The following ARHGAP42 variants were observed in gnomAD, a reference collection of about 807,000 sequenced individuals.
ARHGAP42 encodes Rho GTPase activating protein 42.
ARHGAP42 carries 63 observed loss-of-function variants against 125.0 expected under a neutral mutation model. That is an observed-to-expected ratio of 0.50 (90% CI 0.41 to 0.62). ARHGAP42 has a LOEUF of 0.62. ARHGAP42 is among the 20% of genes least tolerant of loss of function. The pLI, the probability that ARHGAP42 is intolerant of heterozygous loss-of-function variation, is 0.00. For synonymous variants in ARHGAP42, 339 were observed against 351.0 expected, an observed-to-expected ratio of 0.97 and a Z score of 0.38; for missense variants, 766 against 1,024.2, an observed-to-expected ratio of 0.75 and a Z score of 3.44.
chr11:100,743,847 A>G lies in ARHGAP42; in HGVS notation c.155-26496A>G, dbSNP rs1394874418. Among the ~76,000 whole-genome samples, 3 of 152,302 alleles carry G rather than the reference A, an allele frequency of 2.0e-5. No individual in the cohort carries two copies. In the East Asian group the frequency reaches 5.8e-4, roughly 29 times the overall value. ...TTTCAGGAGAAGATGAAATTCTTTC[A>G]TCTACTTGTTCTAGTCTGTTGTTAA... On this transcript the variant is annotated intron_variant, in intron 1 of 23. Transcript: ENST00000298815.
At chr11:100,863,114 A>G (rs1865486357) in intron 4 of ARHGAP42, among the ~76,000 whole-genome samples, 1 of 151,836 alleles carries the variant, frequency 6.6e-6, no homozygotes, top group South Asian at 2.1e-4. Flanking sequence ...CTTCTGAAAT[A>G]TATGTATAGA....
intron 1 of ARHGAP42, among the ~76,000 whole-genome samples, chr11:100,712,077 A>G (rs1042003560): frequency 1.3e-5 from 2 of 152,166 alleles, no homozygotes; most frequent in Non-Finnish European, 1.5e-5. Flanking sequence ...ACAGCAGGTA[A>G]TATTGATTGC....
intron 5 of ARHGAP42, among the ~76,000 whole-genome samples, chr11:100,918,042 T>C (rs1482139477): frequency 6.6e-6 from 1 of 152,236 alleles, no homozygotes; most frequent in Non-Finnish European, 1.5e-5. Flanking sequence ...TACTATATGC[T>C]GCACTGTCTT....
At chr11:100,808,716 T>G (rs949579455) in intron 3 of ARHGAP42, among the ~76,000 whole-genome samples, 1 of 152,206 alleles carries the variant, frequency 6.6e-6, no homozygotes, top group African/African-American at 2.4e-5. Flanking sequence ...AATTCACTCT[T>G]AACTATAAAA....
chr11:100,933,297 T>C, intron 7 of ARHGAP42, 37 bp downstream of exon 7: 1 of 1,404,966 alleles, frequency 7.1e-7, no homozygotes, highest in African/African-American at 1.5e-5. Flanking sequence ...TCTCAGCAAA[T>C]CTGCAAATCT....
rs563660597 is a variant in ARHGAP42 at position 100,990,621 on chromosome 11, G to T, written c.*1820G>T. The T allele has an allele frequency of 6.6e-6, 1 of 152,568 alleles. No individual in the cohort carries two copies. The highest frequency in any genetic ancestry group is 1.9e-4 in the East Asian group (1 of 5,180). 9.5% of individuals were successfully genotyped at this position (152,568 alleles called of 1,614,324 possible). A position where few individuals can be genotyped will look rare whatever the true frequency, so the allele number is the denominator to read the frequency against. On this transcript the variant is annotated 3_prime_UTR_variant, in exon 24 of 24. Coordinates refer to ENST00000298815, the MANE Select transcript of ARHGAP42 (RefSeq NM_152432.4). ...GTTGACCTCTGTGCACTGTAATAAGGTGTGTTGCTGGATCTTCTTGGTCGA... is the reference window on the plus strand; with the variant it reads ...GTTGACCTCTGTGCACTGTAATAAGTTGTGTTGCTGGATCTTCTTGGTCGA...
intron 4 of ARHGAP42, among the ~76,000 whole-genome samples, chr11:100,903,008 G>C (rs1319918974): frequency 6.6e-6 from 1 of 152,034 alleles, no homozygotes; most frequent in African/African-American, 2.4e-5. Flanking sequence ...AGGTAGAGCA[G>C]CTGGCTGGCT....
At chr11:100,689,531 A>C (rs934484110) in intron 1 of ARHGAP42, among the ~76,000 whole-genome samples, 90 of 152,258 alleles carry the variant, frequency 5.9e-4, no homozygotes, top group African/African-American at 2.1e-3. Context: ...GAGTGACATT[A>C]CATACTTTAT....
At chr11:100,794,901 C>T (rs1863671576) in intron 2 of ARHGAP42, among the ~76,000 whole-genome samples, 1 of 152,016 alleles carries the variant, frequency 6.6e-6, no homozygotes. Context: ...TGATCCATAG[C>T]TGTTAGTGAT....
rs567652817 is a variant in ARHGAP42 at position 100,746,514 on chromosome 11, G to A, written c.155-23829G>A. 1.4e-3 allele frequency among the ~76,000 whole-genome samples: 220 copies of A among 152,314 alleles called. 3 individuals are homozygous for A. Among genetic ancestry groups the A allele is most frequent in the Non-Finnish European group, 2.4e-3 (163 of 68,036 alleles). ...AATTGCCTTTGTTTAACGTGTGGAC[G>A]GAATATTAATCCATTTTAACCAAGC... On this transcript the variant is annotated intron_variant, in intron 1 of 23. Coordinates refer to ENST00000298815, the MANE Select transcript of ARHGAP42 (RefSeq NM_152432.4).
chr11:100,854,327 A>C (rs1865276786), intron 3 of ARHGAP42, among the ~76,000 whole-genome samples: 2 of 152,190 alleles, frequency 1.3e-5, no homozygotes, highest in Non-Finnish European at 2.9e-5. Flanking sequence ...ATTAAATTCA[A>C]GTAAGAGTTA....
rs1218482148 is a variant in ARHGAP42 at position 100,687,614 on chromosome 11, C to G, written c.-65C>G. On this transcript the variant is annotated 5_prime_UTR_variant, in exon 1 of 24. Transcript: ENST00000298815. Reference sequence around the variant, plus strand: ...CGACCCCAGCGCCCGCCGCGGCCGCCGGCTGCCCCCGCCCTGACCTCCGGC... The same window carrying G: ...CGACCCCAGCGCCCGCCGCGGCCGCGGGCTGCCCCCGCCCTGACCTCCGGC... 1.6e-5 allele frequency: 19 copies of G among 1,194,584 alleles called. No homozygotes were observed. The highest frequency in any genetic ancestry group is 4.1e-5 in the South Asian group (1 of 24,262). 74.0% of individuals were successfully genotyped at this position (1,194,584 alleles called of 1,614,324 possible).
intron 3 of ARHGAP42, among the ~76,000 whole-genome samples, chr11:100,817,630 A>G (rs1864299236): frequency 6.6e-6 from 1 of 152,170 alleles, no homozygotes; most frequent in Admixed American, 6.5e-5. Context: ...ATGTTGCTTA[A>G]CATCTCCGTA....
chr11:100,906,578 C>G (rs898884599), intron 4 of ARHGAP42, among the ~76,000 whole-genome samples: 32 of 55,452 alleles, frequency 5.8e-4, no homozygotes, highest in Admixed American at 1.8e-3. Flanking sequence ...AATGTGGAAA[C>G]TTTAAAAAAA....
chr11:100,934,052 C>G (rs1361995629), intron 7 of ARHGAP42, among the ~76,000 whole-genome samples: 1 of 152,174 alleles, frequency 6.6e-6, no homozygotes, highest in African/African-American at 2.4e-5. Context: ...CTCCCAAGTG[C>G]TGGGATTACA....
chr11:100,974,397 T>G, intron 18 of ARHGAP42, 62 bp from the exon 19 acceptor site: 1 of 1,473,012 alleles, frequency 6.8e-7, no homozygotes, highest in Non-Finnish European at 9.2e-7. Context: ...CAAAGCTTAT[T>G]TTATAATGAA....
At chr11:100,984,957 C>A (rs999747909) in intron 22 of ARHGAP42, among the ~76,000 whole-genome samples, 1 of 152,078 alleles carries the variant, frequency 6.6e-6, no homozygotes, top group Non-Finnish European at 1.5e-5. Flanking sequence ...TTACAGATCT[C>A]GGCAGAAGAA....
intron 5 of ARHGAP42, among the ~76,000 whole-genome samples, chr11:100,920,265 A>T: frequency 6.6e-6 from 1 of 152,190 alleles, no homozygotes; most frequent in Non-Finnish European, 1.5e-5. Flanking sequence ...ACCTAATTAA[A>T]TGCATGATAA....
intron 1 of ARHGAP42, among the ~76,000 whole-genome samples, chr11:100,742,978 T>G (rs1316544576): frequency 1.3e-5 from 2 of 152,226 alleles, no homozygotes; most frequent in Non-Finnish European, 2.9e-5. Context: ...TAGGTGAGTC[T>G]CTTGAAGACA....
Sources: gnomAD v4.1 joint callset for allele counts (sites outside exome capture counted in the v4.1 genomes callset) on GRCh38, gnomAD v4.1.1 for gene constraint, MANE v1.5 for transcripts, NCBI Gene and HGNC (gene_info 2026-07-23, HGNC 2026-07-21) for gene names.